Variants in DDX19B observed in about 807,000 individuals in gnomAD.
DDX19B encodes DEAD-box helicase 19B.
A neutral mutation model predicts 58.1 loss-of-function variants in DDX19B; 27 were observed. The ratio of observed to expected loss-of-function variants is 0.46; its 90% CI spans 0.34 to 0.64. The LOEUF is 0.64. Ranked by LOEUF, DDX19B falls within the 30% of genes least tolerant of loss-of-function variation. The probability of loss-of-function intolerance (pLI) is 0.01; values close to 1 mark genes in which losing one functional copy is unlikely to be tolerated. For missense variants in DDX19B, 399 were observed against 596.5 expected (o/e 0.67, Z 3.45); for synonymous variants, 187 against 214.4 (o/e 0.87, Z 1.12).
rs530175934 is a variant in DDX19B at position 70,330,034 on chromosome 16, C to G, written c.989C>G (p.Ala330Gly). Residue 330 changes from alanine (A) to glycine (G), a missense_variant, in exon 9 of 12, where the codon GCC becomes GGC. Ala to Gly is a moderately conservative substitution (Grantham distance 60). Around this residue, in one of 4 missense-constraint regions of DDX19B, gnomAD observed 198 missense variants for 345.9 expected, o/e 0.57. Coordinates refer to ENST00000288071, the MANE Select transcript of DDX19B (RefSeq NM_007242.7). The part of the protein sequence containing the change: ...KFQALCNLYG[A>G]ITIAQAMIFC... ...CAGGCCTTGTGTAACCTCTACGGGG[C>G]CATCACCATTGCTCAAGCCATGATC... The G allele has an allele frequency of 2.5e-6, 4 of 1,613,992 alleles. No homozygotes were observed. Among genetic ancestry groups the G allele is most frequent in the Non-Finnish European group, 3.4e-6 (4 of 1,179,900 alleles).
rs200700862 is a variant in DDX19B, at chr16:70,329,480, C to T, written c.785+11C>T. The T allele has an allele frequency of 8.8e-4, 1,414 of 1,613,622 alleles. 1 individual carries two copies. The highest frequency in any genetic ancestry group is 1.1e-3 in the Non-Finnish European group (1,300 of 1,179,630). On this transcript the variant is annotated intron_variant, in intron 8 of 11. Coordinates refer to ENST00000288071, the MANE Select transcript of DDX19B (RefSeq NM_007242.7). ...CATCCGCATCCAGAGGTAGGGATCTCGAGGGTGGGGGACTCCTCAGATTCC... is the reference window on the plus strand; with the variant it reads ...CATCCGCATCCAGAGGTAGGGATCTTGAGGGTGGGGGACTCCTCAGATTCC...
chr16:70,326,610 C>T (rs1043797028), intron 7 of DDX19B, among the ~76,000 whole-genome samples: 7 of 152,172 alleles, frequency 4.6e-5, no homozygotes, highest in Non-Finnish European at 1.0e-4. Flanking sequence ...GATCTTGGCT[C>T]ACTGCAACCT....
upstream of DDX19B, among the ~76,000 whole-genome samples, chr16:70,292,797 C>T (rs556229088): frequency 2.0e-5 from 3 of 152,272 alleles, no homozygotes; most frequent in South Asian, 6.2e-4. Flanking sequence ...CACTACCCTC[C>T]AGCCTGGGCC....
rs562475519 is a variant in DDX19B at position 70,328,334 on chromosome 16, G to A, written c.608-958G>A. On this transcript the variant is annotated intron_variant, in intron 7 of 11. Coordinates refer to ENST00000288071, the MANE Select transcript of DDX19B (RefSeq NM_007242.7). Reference sequence around the variant, plus strand: ...ATTTAAAATTTTGCAATTTGTATTCGAATTAGAAGGGTAGAGAATTCTGAA... The same window carrying A: ...ATTTAAAATTTTGCAATTTGTATTCAAATTAGAAGGGTAGAGAATTCTGAA... Among the ~76,000 whole-genome samples, 7 of 150,228 alleles carry A rather than the reference G, an allele frequency of 4.7e-5. No individual in the cohort carries two copies. The South Asian group carries it at 6.4e-4, about 14-fold the overall frequency.
rs1962291928 is a variant in DDX19B at position 70,314,893 on chromosome 16, T to C, written c.107-9T>C. 2 of 1,608,426 alleles carry C rather than the reference T, an allele frequency of 1.2e-6. No homozygotes were observed. Among genetic ancestry groups the C allele is most frequent in the Non-Finnish European group, 1.7e-6 (2 of 1,176,336 alleles). On this transcript the variant is annotated splice_polypyrimidine_tract_variant and intron_variant, in intron 2 of 11. Coordinates refer to ENST00000288071, the MANE Select transcript of DDX19B (RefSeq NM_007242.7). ...GATTTTGAATGATGGCCACTTTGTG[T>C]CTATAAAGGTGCTGTTGTCAAGACC...
upstream of DDX19B, among the ~76,000 whole-genome samples, chr16:70,291,359 C>T (rs530205885): frequency 2.6e-5 from 4 of 152,248 alleles, no homozygotes; most frequent in East Asian, 7.7e-4. Context: ...AGTCAGACTT[C>T]TAAGCCACCA....
chr16:70,304,053 T>A (rs1758845014), intron 1 of DDX19B, among the ~76,000 whole-genome samples: 2 of 152,056 alleles, frequency 1.3e-5, no homozygotes, highest in African/African-American at 2.4e-5. Context: ...CATCTTTTTT[T>A]TTTTGAGGCG....
chr16:70,301,007 A>G (rs1961460941), intron 1 of DDX19B, among the ~76,000 whole-genome samples: 2 of 152,216 alleles, frequency 1.3e-5, no homozygotes, highest in South Asian at 2.1e-4. Context: ...TAGGCCTTTA[A>G]GTCTGCTTCA....
intron 5 of DDX19B, among the ~76,000 whole-genome samples, chr16:70,322,324 C>T (rs1331163676): frequency 6.6e-6 from 1 of 152,114 alleles, no homozygotes; most frequent in African/African-American, 2.4e-5. Flanking sequence ...GGCGCAGTGG[C>T]TTACAACTGT....
At chr16:70,321,729 T>C (rs1962829499) in intron 5 of DDX19B, among the ~76,000 whole-genome samples, 2 of 152,148 alleles carry the variant, frequency 1.3e-5, no homozygotes, top group South Asian at 4.1e-4. Context: ...ATATATTTTT[T>C]ACTTCAAATA....
chr16:70,330,712 A>G lies in DDX19B; in HGVS notation c.1023+644A>G, dbSNP rs1963439374. ...GAGGATCGCTTGAGCCCAGGAGTTC[A>G]GACCAGCATGGGCAACATAGTGAGA... On this transcript the variant is annotated intron_variant, in intron 9 of 11. Transcript: ENST00000288071. 2.0e-5 allele frequency among the ~76,000 whole-genome samples: 3 copies of G among 152,160 alleles called. No homozygotes were observed. In the South Asian group the frequency reaches 6.2e-4, roughly 32 times the overall value.
intron 9 of DDX19B, among the ~76,000 whole-genome samples, chr16:70,331,323 A>G (rs1410038419): frequency 6.6e-6 from 1 of 152,184 alleles, no homozygotes; most frequent in Non-Finnish European, 1.5e-5. Flanking sequence ...CTAAGACTAC[A>G]GGCACGAGCC....
intron 1 of DDX19B, among the ~76,000 whole-genome samples, chr16:70,299,786 A>G (rs938797390): frequency 6.6e-6 from 1 of 152,058 alleles, no homozygotes; most frequent in Non-Finnish European, 1.5e-5. Flanking sequence ...TGTAATAGTT[A>G]TTTTAGGTGT....
chr16:70,327,488 G>A (rs1042783460), intron 7 of DDX19B, among the ~76,000 whole-genome samples: 2 of 151,908 alleles, frequency 1.3e-5, no homozygotes, highest in African/African-American at 2.4e-5. Flanking sequence ...AGCCAAGATC[G>A]TGCCACTGCA....
intron 8 of DDX19B, 110 bp downstream of exon 8, chr16:70,329,579 T>C (rs1379019735): frequency 6.7e-7 from 1 of 1,493,496 alleles, no homozygotes; most frequent in Non-Finnish European, 9.1e-7. Context: ...TCTCGTACTC[T>C]CAGCAGCATT....
chr16:70,328,064 G>T (rs1006719200), intron 7 of DDX19B, among the ~76,000 whole-genome samples: 3 of 151,688 alleles, frequency 2.0e-5, no homozygotes, highest in African/African-American at 7.3e-5. Context: ...TGAGGCAGGA[G>T]AATTGCTTGA....
chr16:70,294,995 A>G (rs1257330621), upstream of DDX19B: 3 of 1,380,094 alleles, frequency 2.2e-6, no homozygotes, highest in South Asian at 1.6e-5. Context: ...TCCTGGGTAG[A>G]GGAATAACAA....
chr16:70,308,868 A>C (rs1180580837), intron 1 of DDX19B, among the ~76,000 whole-genome samples: 1 of 151,516 alleles, frequency 6.6e-6, no homozygotes, highest in Non-Finnish European at 1.5e-5. Context: ...TGTTTGTTAC[A>C]TAGGTAAACA....
At chr16:70,322,844 A>G (rs192568147) in intron 5 of DDX19B, among the ~76,000 whole-genome samples, 1 of 146,584 alleles carries the variant, frequency 6.8e-6, no homozygotes, top group Non-Finnish European at 1.5e-5. Context: ...GTGAGCTCAG[A>G]TCGCGCCTTT....
Sources: gnomAD v4.1 joint callset for allele counts (sites outside exome capture counted in the v4.1 genomes callset) on GRCh38, gnomAD v4.1.1 for gene constraint, gnomAD v4.1.1 regional missense constraint, MANE v1.5 for transcripts, NCBI Gene and HGNC (gene_info 2026-07-23, HGNC 2026-07-21) for gene names.